Variants in TRHDE observed in about 807,000 individuals in gnomAD.
TRHDE encodes the protein thyrotropin-releasing hormone-degrading ectoenzyme.
TRHDE carries 72 observed loss-of-function variants against 125.7 expected under a neutral mutation model. The observed-to-expected ratio is 0.57, with a 90% confidence interval of 0.47 to 0.70. TRHDE has a LOEUF of 0.70. Among genes scored for constraint, TRHDE ranks in the 30% least tolerant of loss-of-function variants. The pLI is 0.00. For missense variants in TRHDE, 1,110 were observed against 1,327.1 expected, an observed-to-expected ratio of 0.84 and a Z score of 2.54; for synonymous variants, 509 against 509.1, an observed-to-expected ratio of 1.00 and a Z score of 0.00.
chr12:72,595,023 A>G (rs1164618536), intron 12 of TRHDE, among the ~76,000 whole-genome samples: 1 of 149,992 alleles, frequency 6.7e-6, no homozygotes, highest in Non-Finnish European at 1.5e-5. Flanking sequence ...ACAAAAAACC[A>G]AACACCGCAT....
At chr12:72,355,496 G>A (rs1870775395) in intron 2 of TRHDE, among the ~76,000 whole-genome samples, 1 of 151,344 alleles carries the variant, frequency 6.6e-6, no homozygotes, top group Non-Finnish European at 1.5e-5. Context: ...ATAAGAACTG[G>A]CAAAGATTTC....
At chr12:72,364,941 A>G (rs945461040) in intron 2 of TRHDE, among the ~76,000 whole-genome samples, 1 of 152,154 alleles carries the variant, frequency 6.6e-6, no homozygotes, top group African/African-American at 2.4e-5. Flanking sequence ...TTAAGAACAA[A>G]CAAATGAACA....
chr12:72,657,124 C>A, intron 18 of TRHDE, 116 bp downstream of exon 18: 1 of 660,996 alleles, frequency 1.5e-6, no homozygotes, highest in South Asian at 1.8e-5. Flanking sequence ...CTTACACACG[C>A]ACACCACACA....
At chr12:72,402,191 T>C (rs1027233735) in intron 3 of TRHDE, among the ~76,000 whole-genome samples, 3 of 152,094 alleles carry the variant, frequency 2.0e-5, no homozygotes, top group Admixed American at 2.0e-4. Flanking sequence ...ATCTTTTGGC[T>C]TCCCTGGGCC....
At chr12:72,364,741 G>T (rs761598816) in intron 2 of TRHDE, among the ~76,000 whole-genome samples, 9 of 152,056 alleles carry the variant, frequency 5.9e-5, no homozygotes, top group Non-Finnish European at 1.3e-4. Context: ...TCAAAGTGAG[G>T]TCAGCAGGCA....
At chr12:72,090,254 T>C (rs1592436088) in intron 1 of TRHDE, among the ~76,000 whole-genome samples, 1 of 152,160 alleles carries the variant, frequency 6.6e-6, no homozygotes, top group East Asian at 1.9e-4. Context: ...ATGAGTCTTT[T>C]CCCACCGTGA....
chr12:72,405,531 GTC>G (rs1194381279), intron 3 of TRHDE, among the ~76,000 whole-genome samples: 1 of 152,104 alleles, frequency 6.6e-6, no homozygotes, highest in Non-Finnish European at 1.5e-5. Flanking sequence ...ACTACATTAA[GTC>G]TCTCTCATTG....
intron 2 of TRHDE, among the ~76,000 whole-genome samples, chr12:72,222,800 T>G (rs1475818230): frequency 6.6e-6 from 1 of 152,076 alleles, no homozygotes; most frequent in Non-Finnish European, 1.5e-5. Context: ...TAGGAGAAAT[T>G]TCCAGGCTTT....
chr12:72,097,805 G>A (rs1296921564), intron 1 of TRHDE, among the ~76,000 whole-genome samples: 1 of 151,788 alleles, frequency 6.6e-6, no homozygotes, highest in Non-Finnish European at 1.5e-5. Flanking sequence ...TCCTTTTTGT[G>A]GTTTGTCACA....
chr12:72,461,910 G>T (rs901803576), intron 3 of TRHDE, among the ~76,000 whole-genome samples: 13 of 152,134 alleles, frequency 8.5e-5, no homozygotes, highest in Non-Finnish European at 4.4e-5. Context: ...CATTTATCAT[G>T]CTTACTATGT....
chr12:72,567,483 G>A (rs925783992), intron 9 of TRHDE, among the ~76,000 whole-genome samples: 8 of 151,742 alleles, frequency 5.3e-5, no homozygotes, highest in African/African-American at 1.7e-4. Context: ...TGCAAAACAT[G>A]GAATAATAAA....
rs1313083276 is a variant in TRHDE, at chr12:72,273,893, C to A, written c.914+336C>A. ...AGGGTAGCTGATAATCTGAGCGATGCCAGAGTGACATGAAAAGCTTGCCAA... is the reference window on the plus strand; with the variant it reads ...AGGGTAGCTGATAATCTGAGCGATGACAGAGTGACATGAAAAGCTTGCCAA... On this transcript the variant is annotated intron_variant, in intron 1 of 18. Transcript: ENST00000261180. This position sits in a 1 kb window ranked among gnomAD's most constrained non-coding sequence, Gnocchi z 5.3. 3 of 275,816 alleles carry A rather than the reference C, an allele frequency of 1.1e-5. No homozygotes were observed. Among genetic ancestry groups the A allele is most frequent in the African/African-American group, 2.1e-5 (1 of 46,586 alleles). The allele number at this position is 275,816 out of a possible 1,614,324, so 17.1% of individuals were successfully genotyped here.
chr12:72,493,544 A>G (rs1877778206), intron 5 of TRHDE, among the ~76,000 whole-genome samples: 1 of 151,898 alleles, frequency 6.6e-6, no homozygotes, highest in Non-Finnish European at 1.5e-5. Flanking sequence ...ACTCTAGTCC[A>G]CTTTCCCACT....
Position 72,394,023 on chromosome 12 carries a change from AG to A in TRHDE, c.1315+15904del, listed in dbSNP as rs1206698557. On this transcript the variant is annotated intron_variant, in intron 3 of 18. Coordinates refer to ENST00000261180, the MANE Select transcript of TRHDE (RefSeq NM_013381.3). ...GTGTACACCTGGCTCATACAAACAT[AG>A]GTATATATTACCCATTATGTGCATT... Among the ~76,000 whole-genome samples the A allele has an allele frequency of 6.6e-5, 10 of 152,306 alleles. No homozygotes were observed. In the East Asian group the frequency reaches 1.9e-3, roughly 29 times the overall value.
At chr12:72,339,746 C>T (rs1377982476) in intron 2 of TRHDE, among the ~76,000 whole-genome samples, 1 of 152,142 alleles carries the variant, frequency 6.6e-6, no homozygotes, top group Admixed American at 6.5e-5. Context: ...GAATGAGACA[C>T]AGCCCTTGAC....
chr12:72,149,978 G>T (rs1171204140), intron 2 of TRHDE, among the ~76,000 whole-genome samples: 5 of 152,004 alleles, frequency 3.3e-5, no homozygotes, highest in African/African-American at 1.2e-4. Context: ...AAATAATACA[G>T]GTTCAAAGGC....
At chr12:72,401,712 T>G (rs1276778516) in intron 3 of TRHDE, among the ~76,000 whole-genome samples, 1 of 152,176 alleles carries the variant, frequency 6.6e-6, no homozygotes, top group Non-Finnish European at 1.5e-5. Flanking sequence ...AGAGTGATCC[T>G]GAAGTTTGGT....
chr12:72,552,401 G>C (rs959404372), intron 7 of TRHDE, among the ~76,000 whole-genome samples: 1 of 152,114 alleles, frequency 6.6e-6, no homozygotes, highest in Non-Finnish European at 1.5e-5. Context: ...TGCGAGATGA[G>C]GAAGAGAATG....
chr12:72,515,964 C>CAGTAT (rs1878832566), intron 6 of TRHDE, among the ~76,000 whole-genome samples: 1 of 103,628 alleles, frequency 9.6e-6, no homozygotes, highest in Admixed American at 9.2e-5. Flanking sequence ...ATATGTGGCG[C>CAGTAT]TATTTCTGAG....
Sources: allele counts gnomAD v4.1 joint callset (sites outside exome capture counted in the v4.1 genomes callset), GRCh38; gene constraint gnomAD v4.1.1; non-coding constraint Gnocchi (gnomAD v3.1); transcripts MANE v1.5; gene names NCBI Gene and HGNC (gene_info 2026-07-23, HGNC 2026-07-21).